Variants in GPC3 observed in about 807,000 individuals in gnomAD.
GPC3 encodes glypican 3, also known as glypican-3.
In GPC3, 3 loss-of-function variants were observed where a neutral mutation model predicts 34.4. The ratio of observed to expected loss-of-function variants is 0.09; its 90% CI spans 0.04 to 0.23. The LOEUF (loss-of-function observed/expected upper bound fraction) is 0.23, where lower values mean the gene tolerates loss of function less well. Among genes scored for constraint, GPC3 ranks in the 10% least tolerant of loss-of-function variants. The pLI is 1.00. For missense variants in GPC3, 351 were observed against 445.6 expected, an observed-to-expected ratio of 0.79 and a Z score of 1.91; for synonymous variants, 177 against 174.0, an observed-to-expected ratio of 1.02 and a Z score of -0.13.
intron 2 of GPC3, among the ~76,000 whole-genome samples, chrX:133,773,748 C>T (rs1045265698): frequency 6.3e-5 from 7 of 111,690 alleles, no homozygotes; most frequent in Non-Finnish European, 9.4e-5. Context: ...CTGATACATT[C>T]TTTCAGTCCT....
At chrX:133,655,740 C>T (rs1436140892) in intron 6 of GPC3, among the ~76,000 whole-genome samples, 6 of 111,856 alleles carry the variant, frequency 5.4e-5, no homozygotes, top group African/African-American at 2.0e-4. Context: ...ACAACTCTCA[C>T]TGGTGTTATT....
At chrX:133,940,289 T>C (rs776179361) in intron 2 of GPC3, among the ~76,000 whole-genome samples, 3 of 111,926 alleles carry the variant, frequency 2.7e-5, no homozygotes, top group Non-Finnish European at 5.6e-5. Flanking sequence ...ACTTTCTATT[T>C]TTCAAAACCA....
intron 2 of GPC3, among the ~76,000 whole-genome samples, chrX:133,792,105 C>A (rs1158658065): frequency 9.1e-6 from 1 of 109,928 alleles, no homozygotes; most frequent in African/African-American, 3.3e-5. Context: ...TCTCAAACTC[C>A]TGGCCTCAAG....
intron 3 of GPC3, among the ~76,000 whole-genome samples, chrX:133,729,575 T>C (rs1227328664): frequency 8.9e-6 from 1 of 112,033 alleles, no homozygotes; most frequent in Non-Finnish European, 1.9e-5. Flanking sequence ...TTCATCTCTC[T>C]ATCTGTATTA....
chrX:133,865,012 C>A (rs377516404), intron 2 of GPC3, among the ~76,000 whole-genome samples: 8 of 112,291 alleles, frequency 7.1e-5, no homozygotes, highest in African/African-American at 2.6e-4. Flanking sequence ...CTTAGACACT[C>A]GTACTTTAAA....
chrX:133,973,416 T>C (rs1262948624), intron 1 of GPC3, among the ~76,000 whole-genome samples: 3 of 112,525 alleles, frequency 2.7e-5, no homozygotes, highest in African/African-American at 9.7e-5. Flanking sequence ...TATAAAGTAA[T>C]TGACATATAG....
chrX:133,922,438 A>G (rs1482930449), intron 2 of GPC3, among the ~76,000 whole-genome samples: 1 of 111,618 alleles, frequency 9.0e-6, no homozygotes, highest in Non-Finnish European at 1.9e-5. Context: ...AAATGGATAT[A>G]TCAGTGTCTT....
intron 7 of GPC3, among the ~76,000 whole-genome samples, chrX:133,584,203 T>C (rs1366315509): frequency 8.9e-6 from 1 of 112,097 alleles, no homozygotes; most frequent in African/African-American, 3.2e-5. Context: ...AGGAAGCAAA[T>C]GTGAAAAGTA....
intron 7 of GPC3, among the ~76,000 whole-genome samples, chrX:133,540,239 A>G (rs1370249618): frequency 8.8e-6 from 1 of 113,077 alleles, no homozygotes; most frequent in African/African-American, 3.2e-5. Flanking sequence ...TCTATGAAAA[A>G]GACACATGAA....
chrX:133,765,855 T>A (rs1428575353), intron 2 of GPC3, among the ~76,000 whole-genome samples: 1 of 112,074 alleles, frequency 8.9e-6, no homozygotes, highest in Non-Finnish European at 1.9e-5. Flanking sequence ...CTCCTTTCCA[T>A]CATTAATGAG....
intron 2 of GPC3, among the ~76,000 whole-genome samples, chrX:133,916,841 T>C (rs1208556938): frequency 9.0e-6 from 1 of 111,302 alleles, no homozygotes; most frequent in African/African-American, 3.3e-5. Context: ...GTCACACCAC[T>C]GCACTCCAAC....
chrX:133,763,056 G>A (rs1603242469), intron 2 of GPC3: 1 of 657,390 alleles, frequency 1.5e-6, no homozygotes, highest in East Asian at 3.2e-5. Flanking sequence ...AGAGGGCCGT[G>A]CTAAAGTTTG....
At chrX:133,815,579 A>G (rs1480423399) in intron 2 of GPC3, among the ~76,000 whole-genome samples, 4 of 112,414 alleles carry the variant, frequency 3.6e-5, no homozygotes, top group Non-Finnish European at 7.5e-5. Flanking sequence ...AAAAAACTAA[A>G]AAAACTTAAA....
chrX:133,795,570 A>T (rs1328974995), intron 2 of GPC3, among the ~76,000 whole-genome samples: 3 of 111,880 alleles, frequency 2.7e-5, no homozygotes, highest in Non-Finnish European at 5.6e-5. Flanking sequence ...GTAATTTTTC[A>T]TTCAAATCTT....
intron 3 of GPC3, chrX:133,704,275 TTG>T: frequency 9.5e-7 from 1 of 1,049,455 alleles, no homozygotes; most frequent in Admixed American, 3.1e-5. Context: ...CTCAGTTTCC[TTG>T]AAAAAAAAAA....
chrX:133,648,175 C>T (rs767078662), intron 6 of GPC3, among the ~76,000 whole-genome samples: 1 of 111,999 alleles, frequency 8.9e-6, no homozygotes, highest in East Asian at 2.8e-4. Context: ...GCTTGTCCAA[C>T]CCGCAGCCCA....
At chrX:133,915,833 A>G (rs1569454271) in intron 2 of GPC3, among the ~76,000 whole-genome samples, 1 of 112,144 alleles carries the variant, frequency 8.9e-6, no homozygotes, top group Non-Finnish European at 1.9e-5. Context: ...AAACCAGCAG[A>G]CTGATTCTCA....
At chrX:133,724,113 T>TA in intron 3 of GPC3, among the ~76,000 whole-genome samples, 1 of 112,190 alleles carries the variant, frequency 8.9e-6, no homozygotes, top group Non-Finnish European at 1.9e-5. Context: ...TGCCTATTTT[T>TA]ATCAGCTTAG....
chrX:133,751,143 C>T (rs1309651919), intron 3 of GPC3, among the ~76,000 whole-genome samples: 1 of 109,958 alleles, frequency 9.1e-6, no homozygotes, highest in Admixed American at 9.7e-5. Flanking sequence ...CAGGAGGATA[C>T]TTGTTTTCCA....
Sources: allele counts gnomAD v4.1 joint callset (sites outside exome capture counted in the v4.1 genomes callset), GRCh38; gene constraint gnomAD v4.1.1; transcripts MANE v1.5; gene names NCBI Gene and HGNC (gene_info 2026-07-23, HGNC 2026-07-21).